Variants in PCDH11X observed in about 807,000 individuals in gnomAD.
The protein encoded by PCDH11X is protocadherin-11 X-linked.
PCDH11X carries 18 observed loss-of-function variants against 53.3 expected under a neutral mutation model. The observed-to-expected ratio is 0.34, with a 90% CI of 0.23 to 0.50. PCDH11X has a LOEUF of 0.50. Ranked by LOEUF, PCDH11X falls within the 20% of genes least tolerant of loss-of-function variation. The probability of loss-of-function intolerance (pLI) is 0.98; values close to 1 mark genes in which losing one functional copy is unlikely to be tolerated. For missense variants in PCDH11X, 570 were observed against 1,032.4 expected (o/e 0.55, Z 6.14); for synonymous variants, 279 against 393.3 (o/e 0.71, Z 3.44).
At chrX:91,902,643 C>T (rs765400215) in intron 6 of PCDH11X, among the ~76,000 whole-genome samples, 8 of 109,750 alleles carry the variant, frequency 7.3e-5, no homozygotes, top group East Asian at 5.8e-4. Context: ...TTGACTGATA[C>T]ATCAAGTTCT....
chrX:92,380,002 G>A (rs1223459194), intron 8 of PCDH11X, among the ~76,000 whole-genome samples: 2 of 100,956 alleles, frequency 2.0e-5, no homozygotes, highest in East Asian at 6.0e-4. Context: ...TTGCCACGTT[G>A]GGGGTGATGA....
chrX:92,489,237 T>A (rs2073708105), intron 10 of PCDH11X, among the ~76,000 whole-genome samples: 1 of 109,445 alleles, frequency 9.1e-6, no homozygotes, highest in Non-Finnish European at 1.9e-5. Flanking sequence ...TCACTCACTT[T>A]TGACCTCTTC....
intron 10 of PCDH11X, among the ~76,000 whole-genome samples, chrX:92,500,584 T>A (rs1287309699): frequency 2.7e-5 from 3 of 110,293 alleles, no homozygotes; most frequent in African/African-American, 9.9e-5. Flanking sequence ...GATTAAGACA[T>A]CCACTCAAAA....
At chrX:92,270,112 C>CTTTTTTTTTTTTTTTT (rs760007148) in intron 8 of PCDH11X, among the ~76,000 whole-genome samples, 1 of 95,607 alleles carries the variant, frequency 1.0e-5, no homozygotes, top group Non-Finnish European at 2.1e-5. Context: ...GCTTCCTTTT[C>CTTTTTTTTTTTTTTTT]TTTTTTTTTT....
At chrX:92,194,288 A>G (rs2066253802) in intron 6 of PCDH11X, among the ~76,000 whole-genome samples, 2 of 111,932 alleles carry the variant, frequency 1.8e-5, no homozygotes, top group South Asian at 7.2e-4. Flanking sequence ...AGGGATTTAA[A>G]CATAATTTAC....
chrX:91,785,535 C>T (rs991283118), intron 1 of PCDH11X, among the ~76,000 whole-genome samples: 10 of 112,048 alleles, frequency 8.9e-5, no homozygotes, highest in African/African-American at 2.6e-4. Flanking sequence ...AGAAAGAGTA[C>T]GCTGTAAAAA....
At chrX:91,863,086 G>A (rs1226733399) in intron 5 of PCDH11X, among the ~76,000 whole-genome samples, 1 of 109,869 alleles carries the variant, frequency 9.1e-6, no homozygotes, top group Non-Finnish European at 1.9e-5. Flanking sequence ...GCAGCTGTTG[G>A]ATGTAATGTT....
chrX:92,221,278 A>AATACACACACACACACACACACACACAC (rs1249262957), intron 7 of PCDH11X, among the ~76,000 whole-genome samples: 2 of 88,037 alleles, frequency 2.3e-5, no homozygotes, highest in Non-Finnish European at 4.3e-5. Flanking sequence ...CATTGTATAC[A>AATACACACACACACACACACACACACAC]ACACACACAC....
chrX:91,816,722 G>C (rs762446678), intron 4 of PCDH11X, among the ~76,000 whole-genome samples: 1 of 111,168 alleles, frequency 9.0e-6, no homozygotes, highest in East Asian at 2.8e-4. Context: ...GTGGACTGAG[G>C]GACATTGGAG....
chrX:91,828,182 C>A (rs756596482), intron 4 of PCDH11X, among the ~76,000 whole-genome samples: 3 of 98,852 alleles, frequency 3.0e-5, no homozygotes, highest in South Asian at 9.6e-4. Context: ...TGCAGTGGAG[C>A]GATCTCAGCT....
intron 6 of PCDH11X, among the ~76,000 whole-genome samples, chrX:92,192,293 A>G (rs1485545055): frequency 8.9e-6 from 1 of 112,409 alleles, no homozygotes; most frequent in African/African-American, 3.2e-5. Context: ...GACAAAAACT[A>G]TAAGTTCATG....
chrX:92,245,320 A>G, intron 7 of PCDH11X, among the ~76,000 whole-genome samples: 1 of 112,194 alleles, frequency 8.9e-6, no homozygotes, highest in Admixed American at 9.5e-5. Flanking sequence ...TGGCAGCATG[A>G]TAGATATTGG....
chrX:92,145,401 G>C (rs1199172580), intron 6 of PCDH11X, among the ~76,000 whole-genome samples: 1 of 110,699 alleles, frequency 9.0e-6, no homozygotes, highest in Non-Finnish European at 1.9e-5. Context: ...GAAATCACCT[G>C]ATAGTTCATG....
At chrX:92,254,716 A>T (rs1486036205) in intron 7 of PCDH11X, among the ~76,000 whole-genome samples, 1 of 108,032 alleles carries the variant, frequency 9.3e-6, no homozygotes, top group African/African-American at 3.4e-5. Flanking sequence ...GTTTGCCTGG[A>T]TATGAAATTC....
At position 92,342,371 on chromosome X, in the gene PCDH11X, A is replaced by C. The variant is rs766673935; in HGVS notation, c.3145-45364A>C. Among the ~76,000 whole-genome samples, 7 of 110,213 alleles carry C rather than the reference A, an allele frequency of 6.4e-5. No homozygotes were observed. In the South Asian group the frequency reaches 2.8e-3, roughly 44 times the overall value. ...ACTGAGTATAGACCCAAAGGAAAAT[A>C]AATCATTTCACCAAAAAGACACATG... On this transcript the variant is annotated intron_variant, in intron 8 of 10. Transcript: ENST00000682573.
intron 6 of PCDH11X, among the ~76,000 whole-genome samples, chrX:92,026,170 A>G (rs2062966517): frequency 9.1e-6 from 1 of 109,852 alleles, no homozygotes; most frequent in Non-Finnish European, 1.9e-5. Context: ...CTATATAACA[A>G]ACCTCCACAT....
intron 8 of PCDH11X, among the ~76,000 whole-genome samples, chrX:92,386,671 G>A (rs772404278): frequency 1.0e-3 from 108 of 108,212 alleles, no homozygotes; most frequent in African/African-American, 3.6e-3. Context: ...GTACATATCC[G>A]GCACCTGAAC....
chrX:92,223,829 G>A lies in PCDH11X; in HGVS notation c.3114+22374G>A, dbSNP rs908390473. Among the ~76,000 whole-genome samples the A allele has an allele frequency of 4.5e-5, 5 of 111,283 alleles. No individual in the cohort carries two copies. The Admixed American group carries it at 4.8e-4, about 11-fold the overall frequency. On this transcript the variant is annotated intron_variant, in intron 7 of 10. Transcript: ENST00000682573. ...AGCACATAGTGAACATTCAATAAATGTAACTTACACCATATATACATATGG... is the reference window on the plus strand; with the variant it reads ...AGCACATAGTGAACATTCAATAAATATAACTTACACCATATATACATATGG...
chrX:92,199,974 T>G (rs1017424505), intron 6 of PCDH11X, among the ~76,000 whole-genome samples: 45 of 111,351 alleles, frequency 4.0e-4, no homozygotes, highest in African/African-American at 1.3e-3. Context: ...ATGTTTAAAT[T>G]AGATGCTTAA....
Sources: allele counts gnomAD v4.1 joint callset (sites outside exome capture counted in the v4.1 genomes callset), GRCh38; gene constraint gnomAD v4.1.1; transcripts MANE v1.5; gene names NCBI Gene and HGNC (gene_info 2026-07-23, HGNC 2026-07-21).